Variants in AOPEP observed in about 807,000 individuals in gnomAD.
The protein encoded by AOPEP is aminopeptidase O (putative).
Under a neutral mutation model 98.1 loss-of-function variants are expected in AOPEP, and 77 were observed. The observed-to-expected ratio is 0.78, with a 90% CI of 0.65 to 0.95. The LOEUF is 0.95. AOPEP is among the 40% of genes least tolerant of loss of function. The pLI, the probability that AOPEP is intolerant of heterozygous loss-of-function variation, is 0.00. For synonymous variants in AOPEP, 346 were observed against 365.3 expected (o/e 0.95, Z 0.60); for missense variants, 1,024 against 1,024.7 (o/e 1.00, Z 0.01).
intron 3 of AOPEP, among the ~76,000 whole-genome samples, chr9:94,791,628 T>G (rs1265309773): frequency 6.6e-6 from 1 of 152,086 alleles, no homozygotes; most frequent in Non-Finnish European, 1.5e-5. Context: ...TGAGCTGCAG[T>G]GAACTGTGAT....
At chr9:95,067,058 C>G (rs576094732) in intron 14 of AOPEP, among the ~76,000 whole-genome samples, 2 of 152,252 alleles carry the variant, frequency 1.3e-5, no homozygotes, top group Admixed American at 6.5e-5. Context: ...AGGGCTCACT[C>G]TGCCACAGCT....
At chr9:94,903,449 A>T (rs940241113) in intron 5 of AOPEP, among the ~76,000 whole-genome samples, 2 of 151,988 alleles carry the variant, frequency 1.3e-5, no homozygotes, top group East Asian at 3.9e-4. Flanking sequence ...TCTTTACAGT[A>T]ATCGAATTGG....
chr9:95,064,761 G>C (rs1416499179), intron 14 of AOPEP, among the ~76,000 whole-genome samples: 3 of 149,250 alleles, frequency 2.0e-5, no homozygotes, highest in Admixed American at 1.4e-4. Flanking sequence ...ACACAATCAT[G>C]TGACAGCTTT....
intron 11 of AOPEP, among the ~76,000 whole-genome samples, chr9:94,999,486 T>C (rs994961201): frequency 6.6e-6 from 1 of 152,172 alleles, no homozygotes; most frequent in Non-Finnish European, 1.5e-5. Flanking sequence ...AGGAAGAAGA[T>C]TGTCCTATGG....
chr9:94,820,982 G>A (rs78656589), intron 5 of AOPEP, among the ~76,000 whole-genome samples: 4,145 of 152,224 alleles, frequency 0.027, 182 homozygotes, highest in African/African-American at 0.094. Context: ...TTATAACGAT[G>A]TAGTTCTTCA....
At chr9:95,134,844 G>A in the AOPEP span, among the ~76,000 whole-genome samples, 6 of 152,242 alleles carry the variant, frequency 3.9e-5, no homozygotes, top group African/African-American at 1.4e-4. Context: ...GCGCCACCGC[G>A]CAGGGGAGGG....
chr9:94,768,822 A>C (rs1840220223), intron 2 of AOPEP, among the ~76,000 whole-genome samples: 1 of 152,136 alleles, frequency 6.6e-6, no homozygotes, highest in Admixed American at 6.5e-5. Context: ...TTTCCTTTGC[A>C]TGTTGGAAGG....
chr9:94,840,737 T>A (rs938954879), intron 5 of AOPEP, among the ~76,000 whole-genome samples: 2 of 152,204 alleles, frequency 1.3e-5, no homozygotes, highest in Non-Finnish European at 2.9e-5. Context: ...TTTATAGTAT[T>A]CATGCATTTT....
chr9:94,967,705 G>GGCATGGTTC lies in AOPEP; in HGVS notation c.1873-53_1873-52insGCATGGTTC, dbSNP rs1226159258. On this transcript the variant is annotated intron_variant, in intron 9 of 16. Coordinates refer to ENST00000375315, the MANE Select transcript of AOPEP (RefSeq NM_001193329.3). ...CACTCAGCCTCTGGCATGGTTCCAG[G>GGCATGGTTC]CAGAGTTATTTATTGATGGACATCT... The GGCATGGTTC allele has an allele frequency of 2.0e-5, 30 of 1,497,048 alleles. No homozygotes were observed. The Admixed American group carries it at 2.7e-4, about 13-fold the overall frequency. The allele number at this position is 1,497,048 out of a possible 1,614,324, so 92.7% of individuals were successfully genotyped here. A position where few individuals can be genotyped will look rare whatever the true frequency, so the allele number is the denominator to read the frequency against.
chr9:94,951,473 A>C lies in AOPEP; in HGVS notation c.1662-3704A>C, dbSNP rs577511960. 3.9e-5 allele frequency among the ~76,000 whole-genome samples: 6 copies of C among 152,308 alleles called. No individual in the cohort carries two copies. In the East Asian group the frequency reaches 1.2e-3, roughly 29 times the overall value. ...CTAGGACTCACTTTCTTTAACTTTT[A>C]AATGGGCATAAACAGGATGTGGCCT... is the stretch of plus-strand genomic sequence containing the variant. On this transcript the variant is annotated intron_variant, in intron 7 of 16. Coordinates refer to ENST00000375315, the MANE Select transcript of AOPEP (RefSeq NM_001193329.3).
intron 9 of AOPEP, among the ~76,000 whole-genome samples, chr9:94,960,474 C>A (rs531062169): frequency 1.3e-5 from 2 of 150,664 alleles, no homozygotes; most frequent in Non-Finnish European, 3.0e-5. Context: ...CCCCTTAATT[C>A]TAAATTTTTC....
chr9:94,904,050 TACCGTA>T (rs1247755869), intron 5 of AOPEP: 10 of 151,836 alleles, frequency 6.6e-5, no homozygotes, highest in Non-Finnish European at 1.2e-4. Flanking sequence ...GATGACTACA[TACCGTA>T]ACTACTCAAT....
At chr9:95,016,129 C>G (rs1458648422) in intron 13 of AOPEP, among the ~76,000 whole-genome samples, 3 of 145,960 alleles carry the variant, frequency 2.1e-5, no homozygotes, top group Non-Finnish European at 4.5e-5. Flanking sequence ...TTGCATTAAG[C>G]TTTTTTTTTT....
intron 5 of AOPEP, among the ~76,000 whole-genome samples, chr9:94,919,090 A>AT (rs1473191063): frequency 3.9e-5 from 6 of 151,960 alleles, no homozygotes; most frequent in Admixed American, 1.3e-4. Flanking sequence ...AATTTTTTAT[A>AT]TTTTTAGTAC....
intron 13 of AOPEP, among the ~76,000 whole-genome samples, chr9:95,029,235 A>G (rs1006710892): frequency 6.6e-6 from 1 of 152,192 alleles, no homozygotes; most frequent in African/African-American, 2.4e-5. Flanking sequence ...AGAAGAGGTG[A>G]GGGTGAGAGG....
the AOPEP span, among the ~76,000 whole-genome samples, chr9:95,115,490 T>G: frequency 6.6e-6 from 1 of 152,198 alleles, no homozygotes; most frequent in South Asian, 2.1e-4. Context: ...ATTTCAGGTT[T>G]ACAGTGGAAA....
chr9:94,752,085 C>A (rs769303109), intron 1 of AOPEP, among the ~76,000 whole-genome samples: 3 of 151,818 alleles, frequency 2.0e-5, no homozygotes, highest in Non-Finnish European at 2.9e-5. Context: ...GAGAGGTCTT[C>A]CTATGTTACC....
intron 5 of AOPEP, among the ~76,000 whole-genome samples, chr9:94,912,467 C>T (rs1251740081): frequency 6.6e-6 from 1 of 152,024 alleles, no homozygotes; most frequent in Non-Finnish European, 1.5e-5. Flanking sequence ...GAGTTGAGTG[C>T]GTTATCTCTT....
chr9:95,149,774 T>TG, the AOPEP span: 1 of 940,446 alleles, frequency 1.1e-6, no homozygotes, highest in Non-Finnish European at 1.7e-6. Flanking sequence ...CCACCACACC[T>TG]GGCCGGGATA....
Sources: allele counts gnomAD v4.1 joint callset (sites outside exome capture counted in the v4.1 genomes callset), GRCh38; gene constraint gnomAD v4.1.1; transcripts MANE v1.5; gene names NCBI Gene and HGNC (gene_info 2026-07-23, HGNC 2026-07-21).